The following ANKRD11 variants were observed in gnomAD, a reference collection of about 807,000 sequenced individuals.
ANKRD11 encodes ankyrin repeat domain 11.
A neutral mutation model predicts 195.7 loss-of-function variants in ANKRD11; 17 were observed. That is an observed-to-expected ratio of 0.09 (90% CI 0.06 to 0.13). The LOEUF (loss-of-function observed/expected upper bound fraction) is 0.13. ANKRD11 is among the 10% of genes least tolerant of loss of function. The pLI is 1.00. For synonymous variants in ANKRD11, 1,953 were observed against 1,528.1 expected, an observed-to-expected ratio of 1.28 and a Z score of -6.49; for missense variants, 3,735 against 3,566.1, an observed-to-expected ratio of 1.05 and a Z score of -1.21.
intron 3 of ANKRD11, among the ~76,000 whole-genome samples, chr16:89,316,720 C>T (rs2036979477): frequency 6.6e-6 from 1 of 152,232 alleles, no homozygotes; most frequent in Non-Finnish European, 1.5e-5. Flanking sequence ...TTATTTAACG[C>T]TTGACTTCGG....
At chr16:89,278,974 C>T (rs992239476) in intron 9 of ANKRD11, 98 bp downstream of exon 9, 2 of 1,540,812 alleles carry the variant, frequency 1.3e-6, no homozygotes, top group Non-Finnish European at 1.8e-6. Context: ...GGTCAAGGGC[C>T]ATGAGTGGGA....
chr16:89,311,884 A>G (rs2036625293), intron 3 of ANKRD11, among the ~76,000 whole-genome samples: 1 of 152,128 alleles, frequency 6.6e-6, no homozygotes, highest in Non-Finnish European at 1.5e-5. Flanking sequence ...TCAGGAACAC[A>G]GGGAAGGACT....
At chr16:89,425,304 C>T (rs1249865903) in intron 1 of ANKRD11, among the ~76,000 whole-genome samples, 1 of 152,132 alleles carries the variant, frequency 6.6e-6, no homozygotes, top group African/African-American at 2.4e-5. Flanking sequence ...GGCTGGCTGG[C>T]TCCAGTGCCC....
At chr16:89,288,220 T>G (rs988209864) in intron 7 of ANKRD11, 6 of 612,244 alleles carry the variant, frequency 9.8e-6, no homozygotes, top group Non-Finnish European at 1.7e-5. Flanking sequence ...CAGCAACTCC[T>G]GCAGGCCTCC....
At position 89,285,018 on chromosome 16, in the gene ANKRD11, C is replaced by T. The variant is rs777969691; in HGVS notation, c.1524G>A (p.Val508=). 5.6e-6 allele frequency: 9 copies of T among 1,613,902 alleles called. No homozygotes were observed. The highest frequency in any genetic ancestry group is 1.3e-5 in the African/African-American group (1 of 74,934). ...AGCTGAACAGGGAGGGGTCCTTCAG[C>T]ACCAGCGGGGACCCCTTGAGGCAGC... is the stretch of plus-strand genomic sequence containing the variant. ...SSGCLKGSPL[V]LKDPSLFSSL... The change falls in exon 9 of 13, where the codon GTG becomes GTA. Residue 508 remains valine, a synonymous_variant. Coordinates refer to ENST00000301030, the MANE Select transcript of ANKRD11 (RefSeq NM_013275.6). This position sits in a 1 kb window ranked among gnomAD's most constrained non-coding sequence, Gnocchi z 5.6.
At chr16:89,471,677 T>C (rs1163185568) in intron 1 of ANKRD11, among the ~76,000 whole-genome samples, 1 of 145,486 alleles carries the variant, frequency 6.9e-6, no homozygotes, top group Admixed American at 7.1e-5. Flanking sequence ...CCCAGCTACT[T>C]GGGAGGATGA....
At chr16:89,423,858 A>G (rs996921560) in intron 1 of ANKRD11, among the ~76,000 whole-genome samples, 1 of 152,260 alleles carries the variant, frequency 6.6e-6, no homozygotes, top group African/African-American at 2.4e-5. Flanking sequence ...GAAGGTCACA[A>G]TAAGCGAACA....
intron 2 of ANKRD11, among the ~76,000 whole-genome samples, chr16:89,406,363 C>T (rs781729106): frequency 1.3e-5 from 2 of 152,126 alleles, no homozygotes; most frequent in Admixed American, 6.6e-5. Context: ...ACCTGGGCCT[C>T]GGCCACACTC....
At chr16:89,300,758 T>A (rs2035802333) in intron 4 of ANKRD11, 1 of 611,140 alleles carries the variant, frequency 1.6e-6, no homozygotes, top group Non-Finnish European at 3.0e-6. Context: ...GGAACCAGCA[T>A]GTGCCTGGCA....
Position 89,291,270 on chromosome 16 carries a change from C to T in ANKRD11, c.227-87G>A. On this transcript the variant is annotated intron_variant, in intron 4 of 12. Transcript: ENST00000301030. This position sits in a 1 kb window ranked among gnomAD's most constrained non-coding sequence, Gnocchi z 5.3. ...AGGTCCTTACCTAATGTTACGGAGC[C>T]CCCTGCGTCCACCTGACAGCTGACA... 1 of 1,504,660 alleles carries T rather than the reference C, an allele frequency of 6.6e-7. No homozygotes were observed. The highest frequency in any genetic ancestry group is 9.1e-7 in the Non-Finnish European group (1 of 1,101,106). 93.2% of individuals were successfully genotyped at this position (1,504,660 alleles called of 1,614,324 possible).
At chr16:89,413,542 G>A (rs1014377660) in intron 2 of ANKRD11, among the ~76,000 whole-genome samples, 1 of 152,060 alleles carries the variant, frequency 6.6e-6, no homozygotes, top group East Asian at 1.9e-4. Context: ...GGAGAATGGC[G>A]TGAACCCGGG....
At position 89,402,824 on chromosome 16, in the gene ANKRD11, G is replaced by C. The variant is rs540008169; in HGVS notation, c.-60+15460C>G. 8.9e-5 allele frequency among the ~76,000 whole-genome samples: 13 copies of C among 145,920 alleles called. No homozygotes were observed. In the East Asian group the frequency reaches 2.5e-3, roughly 28 times the overall value. On this transcript the variant is annotated intron_variant, in intron 2 of 12. Transcript: ENST00000301030. ...GGGTTCTGCGGAATGAGGTTGGGGG[G>C]GCGGCACTGCGGGAGGAGGTGGGCG...
At chr16:89,305,846 A>G (rs867768341) in intron 3 of ANKRD11, among the ~76,000 whole-genome samples, 44 of 79,960 alleles carry the variant, frequency 5.5e-4, no homozygotes, top group Admixed American at 1.1e-3. Flanking sequence ...GCAGACACGC[A>G]CCACCTCCCA....
chr16:89,295,077 A>G (rs2035326592), intron 4 of ANKRD11, among the ~76,000 whole-genome samples: 1 of 152,250 alleles, frequency 6.6e-6, no homozygotes, highest in South Asian at 2.1e-4. Context: ...AAAACTGGCA[A>G]GTCTAGGGAC....
chr16:89,282,497 T>C lies in ANKRD11; in HGVS notation c.4045A>G (p.Arg1349Gly). The C allele has an allele frequency of 1.2e-6, 2 of 1,614,092 alleles. No individual in the cohort carries two copies. The highest frequency in any genetic ancestry group is 1.7e-6 in the Non-Finnish European group (2 of 1,180,018). ...CLPEKLKEKE[R>G]HRHSSSSSKK... Reference sequence around the variant, plus strand: ...GATGAAGATGAGGAGTGTCTGTGCCTCTCCTTCTCTTTCAGCTTCTCAGGG... The same window carrying C: ...GATGAAGATGAGGAGTGTCTGTGCCCCTCCTTCTCTTTCAGCTTCTCAGGG... The change falls in exon 9 of 13, where the codon AGG becomes GGG. Residue 1349 changes from arginine to glycine, a missense_variant. Arg to Gly is a moderately radical substitution (Grantham distance 125). Coordinates refer to ENST00000301030, the MANE Select transcript of ANKRD11 (RefSeq NM_013275.6).
At chr16:89,376,723 G>A (rs11862956) in intron 2 of ANKRD11, among the ~76,000 whole-genome samples, 19 of 152,134 alleles carry the variant, frequency 1.2e-4, no homozygotes, top group East Asian at 1.9e-4. Flanking sequence ...ACAGGCGTGC[G>A]CCACCACGCC....
At chr16:89,314,428 A>C (rs368464117) in intron 3 of ANKRD11, among the ~76,000 whole-genome samples, 51 of 152,264 alleles carry the variant, frequency 3.3e-4, no homozygotes, top group African/African-American at 1.2e-3. Context: ...TTCTCCTTAA[A>C]CAAGAGAACA....
At chr16:89,334,027 T>C (rs992584341) in intron 2 of ANKRD11, among the ~76,000 whole-genome samples, 8 of 150,294 alleles carry the variant, frequency 5.3e-5, no homozygotes, top group Non-Finnish European at 1.0e-4. Context: ...AATACAGAAA[T>C]AAGGCCAGGT....
At position 89,324,554 on chromosome 16, in the gene ANKRD11, G is replaced by C. The variant is rs777529987; in HGVS notation, c.-59-7476C>G. 1.8e-5 allele frequency: 8 copies of C among 455,656 alleles called. No homozygotes were observed. In the Admixed American group the frequency reaches 1.9e-4, roughly 11 times the overall value. The allele number at this position is 455,656 out of a possible 1,614,324, so 28.2% of individuals were successfully genotyped here. A position where few individuals can be genotyped will look rare whatever the true frequency, so the allele number is the denominator to read the frequency against. ...CACATTGAGTCAGTGGACGGGGAGAGGCCGACGAACCCTCCATCTGGGGGG... is the reference window on the plus strand; with the variant it reads ...CACATTGAGTCAGTGGACGGGGAGACGCCGACGAACCCTCCATCTGGGGGG... On this transcript the variant is annotated intron_variant, in intron 2 of 12. Coordinates refer to ENST00000301030, the MANE Select transcript of ANKRD11 (RefSeq NM_013275.6).
Sources: gnomAD v4.1 joint callset for allele counts (sites outside exome capture counted in the v4.1 genomes callset) on GRCh38, gnomAD v4.1.1 for gene constraint, Gnocchi (gnomAD v3.1) non-coding constraint, MANE v1.5 for transcripts, NCBI Gene and HGNC (gene_info 2026-07-23, HGNC 2026-07-21) for gene names.